ZNF423: variants seen among roughly 807,000 people sequenced by gnomAD.
ZNF423 encodes the protein Ebf-associated zinc finger protein.
ZNF423 carries 12 observed loss-of-function variants against 95.8 expected under a neutral mutation model. The observed-to-expected ratio is 0.13, with a 90% CI of 0.08 to 0.20. The LOEUF is 0.20. Among genes scored for constraint, ZNF423 ranks in the 10% least tolerant of loss-of-function variants. The pLI is 1.00. For missense variants in ZNF423, 1,316 were observed against 1,737.1 expected (o/e 0.76, Z 4.31); for synonymous variants, 749 against 711.9 (o/e 1.05, Z -0.83).
intron 5 of ZNF423, among the ~76,000 whole-genome samples, chr16:49,580,978 C>T (rs571779595): frequency 4.6e-5 from 7 of 152,248 alleles, no homozygotes; most frequent in East Asian, 1.9e-4. Context: ...TGAGAGTTCA[C>T]GGGCTGAGTA....
At chr16:49,610,519 A>C (rs914805953) in intron 5 of ZNF423, among the ~76,000 whole-genome samples, 61 of 152,144 alleles carry the variant, frequency 4.0e-4, no homozygotes, top group African/African-American at 1.3e-3. Context: ...AGTAATCATG[A>C]TAAAAAGCTG....
chr16:49,677,302 AGAAGAGAAAGGAGGG>A (rs2031129875), intron 3 of ZNF423, among the ~76,000 whole-genome samples: 2 of 75,068 alleles, frequency 2.7e-5, no homozygotes, highest in African/African-American at 4.6e-5. Flanking sequence ...AGAAGAGAAG[AGAAGAGAAAGGAGGG>A]GAAGGGAGGG....
chr16:49,777,521 T>C (rs1419688991), intron 2 of ZNF423, among the ~76,000 whole-genome samples: 1 of 152,212 alleles, frequency 6.6e-6, no homozygotes, highest in African/African-American at 2.4e-5. Context: ...TTTTTGCCCA[T>C]TAGCAATCAC....
At chr16:49,824,128 AGATTATTAGTGTCAAAACTGGGGGG>A (rs2034979377) in intron 1 of ZNF423, among the ~76,000 whole-genome samples, 1 of 152,058 alleles carries the variant, frequency 6.6e-6, no homozygotes, top group South Asian at 2.1e-4. Flanking sequence ...TCTAGGGTTT[AGATTATTAGTGTCAAAACTGGGGGG>A]GAATGTCCCA....
chr16:49,844,404 T>G (rs1462070721), intron 1 of ZNF423, among the ~76,000 whole-genome samples: 1 of 152,152 alleles, frequency 6.6e-6, no homozygotes, highest in Non-Finnish European at 1.5e-5. Context: ...AAACAGCAGC[T>G]GCAATCTCAC....
At position 49,708,758 on chromosome 16, in the gene ZNF423, G is replaced by A. The variant is rs138957286; in HGVS notation, c.301+22013C>T. 8.8e-4 allele frequency among the ~76,000 whole-genome samples: 134 copies of A among 152,232 alleles called. No homozygotes were observed. In the South Asian group the frequency reaches 0.011, roughly 13 times the overall value. ...TTGCGGAGGCTGTCATTTTCCCACTGCTTGTCTGATTCTTGGACTAATGTC... is the reference window on the plus strand; with the variant it reads ...TTGCGGAGGCTGTCATTTTCCCACTACTTGTCTGATTCTTGGACTAATGTC... On this transcript the variant is annotated intron_variant, in intron 3 of 7. Transcript: ENST00000563137.
chr16:49,548,455 C>T (rs959077247), intron 5 of ZNF423, among the ~76,000 whole-genome samples: 3 of 152,012 alleles, frequency 2.0e-5, no homozygotes, highest in East Asian at 1.9e-4. Flanking sequence ...AAATCTGATG[C>T]GGATTTAGAA....
chr16:49,722,150 A>C (rs1167174917), intron 3 of ZNF423, among the ~76,000 whole-genome samples: 1 of 152,190 alleles, frequency 6.6e-6, no homozygotes, highest in Non-Finnish European at 1.5e-5. Flanking sequence ...CTGGTTCCCC[A>C]GCTTACTCCG....
At chr16:49,717,399 T>C (rs1469102355) in intron 3 of ZNF423, among the ~76,000 whole-genome samples, 1 of 152,224 alleles carries the variant, frequency 6.6e-6, no homozygotes, top group Non-Finnish European at 1.5e-5. Flanking sequence ...CTGTCTAGGT[T>C]AAATGGCCTC....
intron 1 of ZNF423, among the ~76,000 whole-genome samples, chr16:49,798,200 AC>A (rs1349197803): frequency 1.3e-5 from 2 of 151,990 alleles, no homozygotes; most frequent in East Asian, 3.9e-4. Context: ...ATACAGCAAG[AC>A]CCTATCTGTT....
At chr16:49,619,585 G>GAAA (rs34942993) in intron 5 of ZNF423, among the ~76,000 whole-genome samples, 1 of 147,582 alleles carries the variant, frequency 6.8e-6, no homozygotes, top group African/African-American at 2.5e-5. Flanking sequence ...GTTTGGCAAC[G>GAAA]AAAAAAAAAA....
At chr16:49,592,008 G>A (rs1193472787) in intron 5 of ZNF423, among the ~76,000 whole-genome samples, 1 of 152,232 alleles carries the variant, frequency 6.6e-6, no homozygotes, top group Non-Finnish European at 1.5e-5. Flanking sequence ...GCTATCTGCT[G>A]CTTATGACAA....
At chr16:49,544,543 G>T (rs537323739) in intron 5 of ZNF423, among the ~76,000 whole-genome samples, 1 of 152,198 alleles carries the variant, frequency 6.6e-6, no homozygotes, top group Non-Finnish European at 1.5e-5. Flanking sequence ...AACTTCCTCC[G>T]TGACAGGTGA....
intron 2 of ZNF423, among the ~76,000 whole-genome samples, chr16:49,787,142 C>T (rs575008364): frequency 6.6e-6 from 1 of 152,224 alleles, no homozygotes; most frequent in Non-Finnish European, 1.5e-5. Context: ...ACGTCCAGGG[C>T]TACCTCCCAC....
chr16:49,637,774 C>G lies in ZNF423; in HGVS notation c.1402G>C (p.Val468Leu), dbSNP rs201588114. ...GCATGGTTCTTGTGCAGCTTGCGAA[C>G]GTGCTCGTTGAGGTTGTAGAGGGTG... ...MPTLYNLNEH[V>L]RKLHKNHAYP... Residue 468 changes from valine to leucine, a missense_variant, in exon 4 of 8, where the codon GTT becomes CTT. Val to Leu is a conservative substitution (Grantham distance 32). Around this residue, in one of 6 missense-constraint regions of ZNF423, gnomAD observed 399 missense variants for 478.5 expected, o/e 0.83. Transcript: ENST00000563137. This position sits in a 1 kb window ranked among gnomAD's most constrained non-coding sequence, Gnocchi z 5.6. 2.5e-6 allele frequency: 4 copies of G among 1,614,092 alleles called. No homozygotes were observed. The highest frequency in any genetic ancestry group is 3.4e-6 in the Non-Finnish European group (4 of 1,180,034).
At chr16:49,644,490 T>TAA (rs1379664045) in intron 3 of ZNF423, among the ~76,000 whole-genome samples, 22 of 130,138 alleles carry the variant, frequency 1.7e-4, no homozygotes, top group African/African-American at 4.8e-4. Flanking sequence ...CCCTGTCTCT[T>TAA]AAAAAAAAAA....
At chr16:49,856,395 G>T (rs1287214687), upstream of ZNF423, among the ~76,000 whole-genome samples, 2 of 146,210 alleles carry the variant, frequency 1.4e-5, no homozygotes, top group African/African-American at 2.6e-5. Flanking sequence ...ACCGGGAGGC[G>T]GTCGGGAGCG....
intron 7 of ZNF423, among the ~76,000 whole-genome samples, chr16:49,497,419 G>C (rs1292039246): frequency 6.6e-6 from 1 of 152,084 alleles, no homozygotes; most frequent in East Asian, 1.9e-4. Context: ...CCATTAAGAG[G>C]CAAAAAAGAA....
chr16:49,740,165 C>A (rs1002437736), intron 2 of ZNF423, among the ~76,000 whole-genome samples: 1 of 152,050 alleles, frequency 6.6e-6, no homozygotes, highest in African/African-American at 2.4e-5. Context: ...TGTACCCCGC[C>A]GACATTTCTT....
Sources: gnomAD v4.1 joint callset for allele counts (sites outside exome capture counted in the v4.1 genomes callset) on GRCh38, gnomAD v4.1.1 for gene constraint, gnomAD v4.1.1 regional missense constraint, Gnocchi (gnomAD v3.1) non-coding constraint, MANE v1.5 for transcripts, NCBI Gene and HGNC (gene_info 2026-07-23, HGNC 2026-07-21) for gene names.